The following CFAP47 variants were observed in gnomAD, a reference collection of about 807,000 sequenced individuals.
CFAP47 encodes cilia- and flagella-associated protein 47.
CFAP47 carries 29 observed loss-of-function variants against 148.1 expected under a neutral mutation model. The observed-to-expected ratio is 0.20, with a 90% CI of 0.15 to 0.27. The LOEUF (loss-of-function observed/expected upper bound fraction) is 0.27, where lower values mean the gene tolerates loss of function less well. Among genes scored for constraint, CFAP47 ranks in the 10% least tolerant of loss-of-function variants. The probability of loss-of-function intolerance (pLI) is 1.00; values close to 1 mark genes in which losing one functional copy is unlikely to be tolerated. For missense variants in CFAP47, 1,872 were observed against 1,697.5 expected (o/e 1.10, Z -1.81); for synonymous variants, 664 against 577.3 (o/e 1.15, Z -2.15).
Position 36,385,231 on chromosome X carries a change from G to A in CFAP47, c.*225G>A. ...ATTGGTTCACTTTTAAAGTGCAGGTGTATATTTGTGGTAAAACGAAATATA... is the reference window on the plus strand; with the variant it reads ...ATTGGTTCACTTTTAAAGTGCAGGTATATATTTGTGGTAAAACGAAATATA... On this transcript the variant is annotated 3_prime_UTR_variant, in exon 64 of 64. Transcript: ENST00000378653. The A allele has an allele frequency of 3.1e-6, 1 of 320,850 alleles. No homozygotes were observed. Among genetic ancestry groups the A allele is most frequent in the Non-Finnish European group, 5.4e-6 (1 of 185,293 alleles). The allele number at this position is 320,850 out of a possible 1,213,427, so 26.4% of individuals were successfully genotyped here.
At chrX:36,384,723 A>G (rs1322159758) in intron 63 of CFAP47, 74 bp from the exon 64 acceptor site, 5 of 730,403 alleles carry the variant, frequency 6.8e-6, no homozygotes, top group African/African-American at 2.1e-5. Context: ...GATGTTAATT[A>G]TAGTGAACTT....
intron 62 of CFAP47, among the ~76,000 whole-genome samples, chrX:36,370,952 G>A (rs1941926961): frequency 9.0e-6 from 1 of 111,264 alleles, no homozygotes; most frequent in Non-Finnish European, 1.9e-5. Context: ...ACCCCATGGT[G>A]GTAGCTACTC....
intron 8 of CFAP47, among the ~76,000 whole-genome samples, chrX:35,965,979 C>T (rs1319537547): frequency 9.1e-6 from 1 of 109,583 alleles, no homozygotes; most frequent in African/African-American, 3.3e-5. Flanking sequence ...TTTTTGTGAG[C>T]CTTTAGGTAA....
rs1030286706 is a variant in CFAP47 at position 35,993,821 on chromosome X, G to GA, written c.3099+507dup. On this transcript the variant is annotated intron_variant, in intron 18 of 63. Coordinates refer to ENST00000378653, the MANE Select transcript of CFAP47 (RefSeq NM_001304548.2). ...TCAAAGCATTAGTTAGGTAGATTAG[G>GA]AAAAAAATAATCAATTTTGCAATGC... 2.7e-5 allele frequency among the ~76,000 whole-genome samples: 3 copies of GA among 110,904 alleles called. No individual in the cohort carries two copies. The Admixed American group carries it at 2.9e-4, about 11-fold the overall frequency.
chrX:35,986,625 T>G (rs1363676664), intron 15 of CFAP47, among the ~76,000 whole-genome samples: 1 of 110,579 alleles, frequency 9.0e-6, no homozygotes, highest in Non-Finnish European at 1.9e-5. Context: ...GTCAAACTCA[T>G]TCTCCATCCA....
At chrX:35,921,962 G>A (rs973365256) in intron 1 of CFAP47, among the ~76,000 whole-genome samples, 2 of 111,089 alleles carry the variant, frequency 1.8e-5, no homozygotes, top group Non-Finnish European at 3.8e-5. Context: ...ATAGATTGCT[G>A]GTAGAAAAAT....
intron 22 of CFAP47, among the ~76,000 whole-genome samples, chrX:36,025,019 A>G (rs1428622530): frequency 2.7e-5 from 3 of 111,242 alleles, no homozygotes; most frequent in African/African-American, 9.8e-5. Context: ...AATTATTTAA[A>G]TTAACCCTGA....
intron 2 of CFAP47, among the ~76,000 whole-genome samples, chrX:35,939,274 T>C (rs1021655753): frequency 4.5e-5 from 5 of 110,327 alleles, no homozygotes; most frequent in African/African-American, 1.6e-4. Flanking sequence ...CTATTGTCCT[T>C]ATTTTTTTTA....
intron 49 of CFAP47, among the ~76,000 whole-genome samples, chrX:36,256,478 A>G (rs1424904050): frequency 2.7e-5 from 3 of 111,495 alleles, no homozygotes; most frequent in African/African-American, 9.8e-5. Context: ...CTTACATATC[A>G]TTTTCCTAAT....
Position 36,299,159 on chromosome X carries a change from T to C in CFAP47, c.7862+7T>C, listed in dbSNP as rs1941273880. ...CAGGCTACAGCGATGAAAGGTATGGTTTGAGTGTGGCATTATATTTCATTG... is the reference window on the plus strand; with the variant it reads ...CAGGCTACAGCGATGAAAGGTATGGCTTGAGTGTGGCATTATATTTCATTG... On this transcript the variant is annotated splice_region_variant and intron_variant, in intron 52 of 63. Coordinates refer to ENST00000378653, the MANE Select transcript of CFAP47 (RefSeq NM_001304548.2). The C allele has an allele frequency of 1.0e-6, 1 of 993,296 alleles. No individual in the cohort carries two copies. Among genetic ancestry groups the C allele is most frequent in the Non-Finnish European group, 1.3e-6 (1 of 761,170 alleles). 81.9% of individuals were successfully genotyped at this position (993,296 alleles called of 1,213,427 possible).
At chrX:36,074,679 G>A (rs188226301) in intron 29 of CFAP47, among the ~76,000 whole-genome samples, 108 of 111,077 alleles carry the variant, frequency 9.7e-4, no homozygotes, top group African/African-American at 3.4e-3. Flanking sequence ...TATATGTACA[G>A]TGTGGAATAA....
At chrX:36,210,633 T>C (rs2146888663) in intron 45 of CFAP47, among the ~76,000 whole-genome samples, 1 of 112,409 alleles carries the variant, frequency 8.9e-6, no homozygotes, top group African/African-American at 3.2e-5. Context: ...GATTTGCAAG[T>C]ATTTTCTCCC....
chrX:36,369,656 A>G (rs1259475435), intron 62 of CFAP47, among the ~76,000 whole-genome samples: 2 of 111,495 alleles, frequency 1.8e-5, no homozygotes, highest in Admixed American at 9.6e-5. Flanking sequence ...ATGTTGACTG[A>G]TACTGCCTCC....
At chrX:36,376,340 C>G (rs1345163104) in intron 62 of CFAP47, among the ~76,000 whole-genome samples, 4 of 111,927 alleles carry the variant, frequency 3.6e-5, no homozygotes, top group African/African-American at 9.7e-5. Flanking sequence ...GAAGCAGCAG[C>G]ACACCACTCA....
chrX:36,170,857 C>A (rs1409928188), intron 39 of CFAP47, among the ~76,000 whole-genome samples: 1 of 107,684 alleles, frequency 9.3e-6, no homozygotes, highest in Non-Finnish European at 1.9e-5. Context: ...TTCTAGATCC[C>A]TGAGGAATCG....
chrX:36,032,350 G>T (rs908061246), intron 23 of CFAP47, among the ~76,000 whole-genome samples: 1 of 110,018 alleles, frequency 9.1e-6, no homozygotes, highest in African/African-American at 3.3e-5. Context: ...AACTTCCCAT[G>T]AATGATATTT....
chrX:36,178,758 A>G (rs1939716397), intron 39 of CFAP47, among the ~76,000 whole-genome samples: 1 of 111,713 alleles, frequency 9.0e-6, no homozygotes, highest in African/African-American at 3.2e-5. Flanking sequence ...GAGCAGCCTG[A>G]GGCAAAAATG....
intron 39 of CFAP47, among the ~76,000 whole-genome samples, chrX:36,168,435 C>G (rs1939520021): frequency 8.9e-6 from 1 of 112,145 alleles, no homozygotes; most frequent in African/African-American, 3.2e-5. Flanking sequence ...TTCAATATAA[C>G]TCAGAAACTT....
At chrX:36,230,112 T>G (rs1329728554) in intron 46 of CFAP47, among the ~76,000 whole-genome samples, 2 of 104,971 alleles carry the variant, frequency 1.9e-5, no homozygotes, top group Non-Finnish European at 3.9e-5. Context: ...TTATAGTCCT[T>G]TGGGTATATA....
Sources: gnomAD v4.1 joint callset for allele counts (sites outside exome capture counted in the v4.1 genomes callset) on GRCh38, gnomAD v4.1.1 for gene constraint, MANE v1.5 for transcripts, NCBI Gene and HGNC (gene_info 2026-07-23, HGNC 2026-07-21) for gene names.